Variants in ENOX2 observed in about 807,000 individuals in gnomAD.
The protein encoded by ENOX2 is APK1 antigen.
ENOX2 carries 36 observed loss-of-function variants against 45.0 expected under a neutral mutation model. The observed-to-expected ratio is 0.80, with a 90% confidence interval of 0.61 to 1.06. The LOEUF is 1.06. Among genes scored for constraint, ENOX2 ranks in the 50% least tolerant of loss-of-function variants. The probability of loss-of-function intolerance (pLI) is 0.00; values close to 1 mark genes in which losing one functional copy is unlikely to be tolerated. For missense variants in ENOX2, 423 were observed against 462.5 expected, an observed-to-expected ratio of 0.91 and a Z score of 0.78; for synonymous variants, 174 against 152.3, an observed-to-expected ratio of 1.14 and a Z score of -1.05.
intron 10 of ENOX2, chrX:130,645,813 C>G (rs1373043835): frequency 1.3e-5 from 10 of 758,675 alleles, no homozygotes; most frequent in Non-Finnish European, 2.0e-5. Context: ...TGTCTACTTC[C>G]TCAGCACCAC....
At position 130,670,154 on chromosome X, in the gene ENOX2, C is replaced by T. The variant is rs748412972; in HGVS notation, c.505G>A (p.Gly169Ser). Residue 169 changes from glycine (G) to serine (S), a missense_variant, in exon 7 of 15, where the codon GGC becomes AGC. Gly to Ser is a moderately conservative substitution (Grantham distance 56). Around this residue, in one of 5 missense-constraint regions of ENOX2, gnomAD observed 261 missense variants for 306.8 expected, o/e 0.85. Transcript: ENST00000394363. ...LGSSTDKKDT[G>S]RLHVDFAQAR... ...TGTGCGAAATCAACGTGGAGTCTGCCTGTGTCCTTCTTGTCAGTACTAGAG... is the reference window on the plus strand; with the variant it reads ...TGTGCGAAATCAACGTGGAGTCTGCTTGTGTCCTTCTTGTCAGTACTAGAG... 2 of 1,208,994 alleles carry T rather than the reference C, an allele frequency of 1.7e-6. No homozygotes were observed. Among genetic ancestry groups the T allele is most frequent in the South Asian group, 3.5e-5 (2 of 56,681 alleles).
chrX:130,763,317 G>A (rs2039537635), intron 3 of ENOX2, among the ~76,000 whole-genome samples: 1 of 111,088 alleles, frequency 9.0e-6, no homozygotes, highest in African/African-American at 3.3e-5. Context: ...TAGTCTCCTT[G>A]TTACTGATGG....
chrX:130,664,132 C>T (rs2036771152), intron 9 of ENOX2, among the ~76,000 whole-genome samples: 1 of 112,282 alleles, frequency 8.9e-6, no homozygotes, highest in Middle Eastern at 4.6e-3. Context: ...TCAGGGATTT[C>T]TTTCTAGTGA....
intron 4 of ENOX2, among the ~76,000 whole-genome samples, chrX:130,695,046 A>G (rs1042760583): frequency 4.5e-5 from 5 of 112,039 alleles, no homozygotes; most frequent in African/African-American, 1.6e-4. Flanking sequence ...CAGTAAGGAT[A>G]CACAGTAAGT....
intron 2 of ENOX2, among the ~76,000 whole-genome samples, chrX:130,821,139 G>A (rs150968306): frequency 2.2e-3 from 242 of 110,912 alleles, no homozygotes; most frequent in African/African-American, 7.1e-3. Flanking sequence ...CTCTGGGGAG[G>A]GGTGACCTCT....
In ENOX2 at chrX:130,801,317, C is replaced by A. The variant is rs754262430; in HGVS notation, c.-182-17627G>T. Among the ~76,000 whole-genome samples the A allele has an allele frequency of 8.0e-5, 9 of 112,068 alleles. No individual in the cohort carries two copies. In the South Asian group the frequency reaches 3.4e-3, roughly 42 times the overall value. On this transcript the variant is annotated intron_variant, in intron 2 of 14. Transcript: ENST00000394363. ...TGTTGGCTTGTAAATAAGGAAATTG[C>A]AGCTCAGAGAAGCTTCTGTATTTCC...
chrX:130,808,223 A>G (rs1373595628), intron 2 of ENOX2, among the ~76,000 whole-genome samples: 1 of 112,514 alleles, frequency 8.9e-6, no homozygotes, highest in Non-Finnish European at 1.9e-5. Context: ...CAGAAAATAA[A>G]CAAAATAAAT....
At chrX:130,775,402 T>TA (rs1481792611) in intron 3 of ENOX2, among the ~76,000 whole-genome samples, 3 of 109,955 alleles carry the variant, frequency 2.7e-5, no homozygotes, top group Non-Finnish European at 5.7e-5. Context: ...ACTAATATTA[T>TA]AAAAAAATAA....
chrX:130,787,867 C>T (rs1226058398), intron 2 of ENOX2, among the ~76,000 whole-genome samples: 2 of 111,257 alleles, frequency 1.8e-5, no homozygotes, highest in Admixed American at 9.6e-5. Context: ...GGAGGGGGGA[C>T]ATCTCACTCA....
At chrX:130,667,240 G>A (rs926010261) in intron 8 of ENOX2, among the ~76,000 whole-genome samples, 1 of 111,851 alleles carries the variant, frequency 8.9e-6, no homozygotes, top group Non-Finnish European at 1.9e-5. Context: ...AAAATACCCA[G>A]CCCTCTATTG....
At chrX:130,841,739 G>T (rs1448613706) in intron 2 of ENOX2, among the ~76,000 whole-genome samples, 1 of 112,138 alleles carries the variant, frequency 8.9e-6, no homozygotes, top group African/African-American at 3.2e-5. Context: ...GGGCAACAAA[G>T]CAGGGCCTTC....
At chrX:130,812,881 C>T (rs958738183) in intron 2 of ENOX2, among the ~76,000 whole-genome samples, 1 of 111,461 alleles carries the variant, frequency 9.0e-6, no homozygotes, top group Admixed American at 9.5e-5. Context: ...AGGGGCAGCA[C>T]ACTACCTGAC....
chrX:130,660,190 A>C (rs1184798961), intron 9 of ENOX2, among the ~76,000 whole-genome samples: 2 of 111,560 alleles, frequency 1.8e-5, no homozygotes, highest in Non-Finnish European at 3.8e-5. Context: ...GCTACAAAGA[A>C]ACTCAGGCTC....
intron 2 of ENOX2, among the ~76,000 whole-genome samples, chrX:130,862,778 T>C (rs930413636): frequency 6.3e-5 from 7 of 110,974 alleles, no homozygotes; most frequent in Admixed American, 2.9e-4. Flanking sequence ...GATGAGAAAA[T>C]AGGGAGCAGC....
intron 2 of ENOX2, among the ~76,000 whole-genome samples, chrX:130,884,193 A>G (rs935943541): frequency 1.8e-5 from 2 of 112,251 alleles, no homozygotes; most frequent in African/African-American, 3.2e-5. Flanking sequence ...GCTTCATATC[A>G]TCCTCCTTTC....
intron 3 of ENOX2, among the ~76,000 whole-genome samples, chrX:130,718,902 C>G (rs2038399257): frequency 9.0e-6 from 1 of 111,726 alleles, no homozygotes; most frequent in Non-Finnish European, 1.9e-5. Context: ...AGTAGTCACA[C>G]ATTATAGGAA....
rs777843945 is a variant in ENOX2 at position 130,703,098 on chromosome X, G to A, written c.97+22C>T. On this transcript the variant is annotated intron_variant, in intron 4 of 14. Coordinates refer to ENST00000394363, the MANE Select transcript of ENOX2 (RefSeq NM_006375.4). ...ATGGTCAATAAAAATAAGCACTTGC[G>A]AGGTGATTAAAAATAACATACCAGG... 1.1e-4 allele frequency: 135 copies of A among 1,194,797 alleles called. 1 individual carries two copies. The highest frequency in any genetic ancestry group is 1.2e-4 in the Non-Finnish European group (109 of 885,287).
intron 2 of ENOX2, among the ~76,000 whole-genome samples, chrX:130,812,227 T>G (rs191993327): frequency 3.6e-5 from 4 of 111,222 alleles, no homozygotes; most frequent in African/African-American, 1.3e-4. Context: ...AAGTCTCAAA[T>G]CAGATTCAAT....
intron 2 of ENOX2, among the ~76,000 whole-genome samples, chrX:130,856,356 G>C (rs1170421562): frequency 8.9e-6 from 1 of 112,098 alleles, no homozygotes; most frequent in South Asian, 3.7e-4. Flanking sequence ...TTTGAAGATT[G>C]AGCTACAGTA....
Sources: gnomAD v4.1 joint callset for allele counts (sites outside exome capture counted in the v4.1 genomes callset) on GRCh38, gnomAD v4.1.1 for gene constraint, gnomAD v4.1.1 regional missense constraint, MANE v1.5 for transcripts, NCBI Gene and HGNC (gene_info 2026-07-23, HGNC 2026-07-21) for gene names.